The following LDLRAD3 variants were observed in gnomAD, a reference collection of about 807,000 sequenced individuals.
LDLRAD3 encodes low-density lipoprotein receptor class A domain-containing protein 3.
LDLRAD3 carries 20 observed loss-of-function variants against 29.4 expected under a neutral mutation model. The ratio of observed to expected loss-of-function variants is 0.68; its 90% CI spans 0.48 to 0.99. The LOEUF (loss-of-function observed/expected upper bound fraction) is 0.99, where lower values mean the gene tolerates loss of function less well. Ranked by LOEUF, LDLRAD3 falls within the 50% of genes least tolerant of loss-of-function variation. The pLI, the probability that LDLRAD3 is intolerant of heterozygous loss-of-function variation, is 0.00. For missense variants in LDLRAD3, 420 were observed against 454.3 expected (o/e 0.92, Z 0.69); for synonymous variants, 157 against 192.7 (o/e 0.81, Z 1.53).
chr11:36,064,050 G>A (rs1369371124), intron 2 of LDLRAD3, among the ~76,000 whole-genome samples: 1 of 152,090 alleles, frequency 6.6e-6, no homozygotes, highest in Non-Finnish European at 1.5e-5. Flanking sequence ...TTTGAACATG[G>A]TTTGGCTTTC....
intron 4 of LDLRAD3, among the ~76,000 whole-genome samples, chr11:36,182,406 A>G (rs980153957): frequency 1.3e-5 from 2 of 152,240 alleles, no homozygotes; most frequent in African/African-American, 4.8e-5. Flanking sequence ...AAGGTAGTAT[A>G]GAGACTTAGA....
chr11:36,034,657 T>C (rs1852281122), intron 1 of LDLRAD3, among the ~76,000 whole-genome samples: 1 of 152,142 alleles, frequency 6.6e-6, no homozygotes, highest in East Asian at 1.9e-4. Flanking sequence ...TCCATTGCAA[T>C]TGGTTGTTGC....
intron 4 of LDLRAD3, among the ~76,000 whole-genome samples, chr11:36,163,867 G>C (rs1046141262): frequency 6.6e-6 from 1 of 152,202 alleles, no homozygotes; most frequent in African/African-American, 2.4e-5. Context: ...CTCAAATGGT[G>C]GAAGTTCACT....
chr11:36,136,698 C>CT (rs112022135), intron 4 of LDLRAD3, among the ~76,000 whole-genome samples: 9,082 of 143,378 alleles, frequency 0.063, 442 homozygotes, highest in East Asian at 0.27. Context: ...AACTAATCCT[C>CT]TTTTTTTTTT....
chr11:35,985,445 A>T, intron 1 of LDLRAD3, among the ~76,000 whole-genome samples: 1 of 152,044 alleles, frequency 6.6e-6, no homozygotes, highest in East Asian at 1.9e-4. Flanking sequence ...GGCCATTGGG[A>T]TGGTAGGCTG....
intron 4 of LDLRAD3, among the ~76,000 whole-genome samples, chr11:36,141,941 T>C (rs1353444102): frequency 6.6e-6 from 1 of 152,246 alleles, no homozygotes; most frequent in African/African-American, 2.4e-5. Context: ...CTCTGTGAAA[T>C]TGCAGTATCA....
At chr11:35,972,666 C>CCATGTAGAATAG (rs1400851205) in intron 1 of LDLRAD3, 1 of 152,140 alleles carries the variant, frequency 6.6e-6, no homozygotes, top group Non-Finnish European at 1.5e-5. Context: ...CTGTAGCATA[C>CCATGTAGAATAG]CATGCATCCT....
intron 4 of LDLRAD3, among the ~76,000 whole-genome samples, chr11:36,161,693 A>G (rs569052786): frequency 1.3e-5 from 2 of 152,316 alleles, no homozygotes; most frequent in African/African-American, 4.8e-5. Context: ...GTAGACATAT[A>G]CAACCTGGGC....
At chr11:36,038,536 G>A (rs949924824) in intron 2 of LDLRAD3, among the ~76,000 whole-genome samples, 5 of 152,214 alleles carry the variant, frequency 3.3e-5, no homozygotes, top group Admixed American at 3.3e-4. Context: ...GTCAATAGCA[G>A]CTGTGTGATA....
intron 1 of LDLRAD3, among the ~76,000 whole-genome samples, chr11:35,966,417 TCC>T (rs1851342585): frequency 3.3e-5 from 5 of 152,162 alleles, no homozygotes; most frequent in Admixed American, 3.3e-4. Flanking sequence ...AGAGTGAGAC[TCC>T]GTCCCAAAAA....
At chr11:36,146,773 CTTTATTTTAT>C (rs55792933) in intron 4 of LDLRAD3, among the ~76,000 whole-genome samples, 12 of 143,742 alleles carry the variant, frequency 8.3e-5, no homozygotes, top group South Asian at 6.8e-4. Flanking sequence ...TTTCCCTCTA[CTTTATTTTAT>C]TTTATTTTAT....
chr11:36,053,427 T>C (rs1852557871), intron 2 of LDLRAD3, among the ~76,000 whole-genome samples: 1 of 152,206 alleles, frequency 6.6e-6, no homozygotes, highest in African/African-American at 2.4e-5. Flanking sequence ...CCTTACGTGC[T>C]AATGAGCTCC....
chr11:36,153,431 C>G (rs566338704), intron 4 of LDLRAD3, among the ~76,000 whole-genome samples: 74 of 152,212 alleles, frequency 4.9e-4, no homozygotes, highest in African/African-American at 1.4e-3. Context: ...TGGGAGAGAA[C>G]TTTTAATTGA....
At chr11:35,996,974 C>T (rs953875449) in intron 1 of LDLRAD3, among the ~76,000 whole-genome samples, 2 of 152,110 alleles carry the variant, frequency 1.3e-5, no homozygotes, top group Non-Finnish European at 2.9e-5. Context: ...AATATAGTGT[C>T]TGCCTTTCTA....
At chr11:36,094,687 C>T (rs1853333482) in intron 3 of LDLRAD3, among the ~76,000 whole-genome samples, 2 of 152,168 alleles carry the variant, frequency 1.3e-5, no homozygotes, top group Non-Finnish European at 2.9e-5. Context: ...AGGCATGCGC[C>T]ACTACCACCC....
At chr11:36,119,107 A>G (rs562573564) in intron 4 of LDLRAD3, among the ~76,000 whole-genome samples, 1 of 152,310 alleles carries the variant, frequency 6.6e-6, no homozygotes, top group South Asian at 2.1e-4. Flanking sequence ...ATGAGCTAAA[A>G]ATAAAAAATA....
Position 36,086,039 on chromosome 11 carries a change from A to G in LDLRAD3, c.319+4261A>G, listed in dbSNP as rs761940276. 2.6e-5 allele frequency among the ~76,000 whole-genome samples: 4 copies of G among 152,052 alleles called. No homozygotes were observed. The East Asian group carries it at 7.7e-4, about 29-fold the overall frequency. The stretch of plus-strand genomic sequence containing the variant: ...ATCTCCAGTCTGCTTTCAAGCCTAT[A>G]TAGTGTTTTGTTTTGTTTAGTTGTT... On this transcript the variant is annotated intron_variant, in intron 3 of 5. Transcript: ENST00000315571.
chr11:35,985,492 A>C (rs1851603510), intron 1 of LDLRAD3, among the ~76,000 whole-genome samples: 1 of 152,098 alleles, frequency 6.6e-6, no homozygotes, highest in South Asian at 2.1e-4. Context: ...CCTGGGCTCT[A>C]GTCAGTCTCT....
chr11:36,011,374 C>T (rs755770121), intron 1 of LDLRAD3, among the ~76,000 whole-genome samples: 17 of 151,970 alleles, frequency 1.1e-4, no homozygotes, highest in Non-Finnish European at 1.9e-4. Flanking sequence ...CGATAGGCAG[C>T]GGGTATCTAT....
Sources: allele counts gnomAD v4.1 joint callset (sites outside exome capture counted in the v4.1 genomes callset), GRCh38; gene constraint gnomAD v4.1.1; transcripts MANE v1.5; gene names NCBI Gene and HGNC (gene_info 2026-07-23, HGNC 2026-07-21).